The following ANKH variants were observed in gnomAD, a reference collection of about 807,000 sequenced individuals.
The protein encoded by ANKH is mineralization regulator ANKH.
Under a neutral mutation model 49.0 loss-of-function variants are expected in ANKH, and 15 were observed. That is an observed-to-expected ratio of 0.31 (90% CI 0.20 to 0.47). The LOEUF is 0.47. ANKH is among the 20% of genes least tolerant of loss of function. The pLI, the probability that ANKH is intolerant of heterozygous loss-of-function variation, is 1.00. For synonymous variants in ANKH, 273 were observed against 260.0 expected, an observed-to-expected ratio of 1.05 and a Z score of -0.48; for missense variants, 429 against 652.0, an observed-to-expected ratio of 0.66 and a Z score of 3.72.
intron 1 of ANKH, among the ~76,000 whole-genome samples, chr5:14,806,727 A>G (rs1371742061): frequency 6.6e-6 from 1 of 152,230 alleles, no homozygotes; most frequent in Non-Finnish European, 1.5e-5. Context: ...CTTAGGCGTC[A>G]TCAGTTTTAA....
chr5:14,830,707 T>C (rs1381427027), intron 1 of ANKH, among the ~76,000 whole-genome samples: 1 of 152,202 alleles, frequency 6.6e-6, no homozygotes, highest in East Asian at 1.9e-4. Context: ...TGTATGTCTA[T>C]TTTCCCAAAC....
chr5:14,757,513 T>C (rs190436752), intron 3 of ANKH, among the ~76,000 whole-genome samples: 168 of 147,926 alleles, frequency 1.1e-3, no homozygotes, highest in African/African-American at 3.9e-3. Flanking sequence ...TAAGCACTCC[T>C]CAGAATCATG....
At chr5:14,723,262 G>C (rs113341680) in intron 8 of ANKH, among the ~76,000 whole-genome samples, 1 of 151,850 alleles carries the variant, frequency 6.6e-6, no homozygotes, top group African/African-American at 2.4e-5. Flanking sequence ...TAACATGCGC[G>C]CTGCAGTAAA....
chr5:14,718,903 A>C (rs1478063759), intron 8 of ANKH, among the ~76,000 whole-genome samples: 1 of 150,700 alleles, frequency 6.6e-6, no homozygotes, highest in African/African-American at 2.4e-5. Context: ...GCAGTAAGAT[A>C]AGTTTAGGGA....
intron 1 of ANKH, among the ~76,000 whole-genome samples, chr5:14,791,750 C>CA (rs1740173344): frequency 6.6e-6 from 1 of 152,148 alleles, no homozygotes; most frequent in South Asian, 2.1e-4. Context: ...CTCATGAAGT[C>CA]AAAAGTCTAC....
At chr5:14,788,677 G>C (rs1433451110) in intron 1 of ANKH, among the ~76,000 whole-genome samples, 1 of 152,186 alleles carries the variant, frequency 6.6e-6, no homozygotes, top group African/African-American at 2.4e-5. Context: ...TGGAAAAAGT[G>C]GTGGAGAAGG....
At chr5:14,752,532 C>T (rs1738753632) in intron 4 of ANKH, among the ~76,000 whole-genome samples, 1 of 152,178 alleles carries the variant, frequency 6.6e-6, no homozygotes. Context: ...AGAGAATCAG[C>T]CCAGCCTTTG....
rs1444442736 is a variant in ANKH, at chr5:14,709,943, C to G, written c.*1254G>C. ...ATTTTTTTTTTTAGGTTCTTTCAGT[C>G]TAGGAATTCTGACTAAATCAATTTA... On this transcript the variant is annotated 3_prime_UTR_variant, in exon 12 of 12. Coordinates refer to ENST00000284268, the MANE Select transcript of ANKH (RefSeq NM_054027.6). 1 of 152,194 alleles carries G rather than the reference C, an allele frequency of 6.6e-6. No individual in the cohort carries two copies. Among genetic ancestry groups the G allele is most frequent in the Admixed American group, 6.5e-5 (1 of 15,274 alleles). The allele number at this position is 152,194 out of a possible 1,614,324, so 9.4% of individuals were successfully genotyped here.
At chr5:14,795,710 T>G (rs967798441) in intron 1 of ANKH, among the ~76,000 whole-genome samples, 1 of 152,036 alleles carries the variant, frequency 6.6e-6, no homozygotes, top group Non-Finnish European at 1.5e-5. Flanking sequence ...ACGAAACAAA[T>G]TAGTCGGCGT....
intron 8 of ANKH, among the ~76,000 whole-genome samples, chr5:14,730,350 T>C (rs1274576525): frequency 6.6e-6 from 1 of 152,046 alleles, no homozygotes; most frequent in Non-Finnish European, 1.5e-5. Context: ...TTTAAAGAAA[T>C]TAAGGGAAAC....
intron 1 of ANKH, among the ~76,000 whole-genome samples, chr5:14,805,947 C>T (rs751149071): frequency 2.0e-5 from 3 of 152,272 alleles, no homozygotes; most frequent in East Asian, 1.9e-4. Context: ...TGCTTAGCAA[C>T]GAAGGAGGTG....
intron 1 of ANKH, among the ~76,000 whole-genome samples, chr5:14,848,663 T>C (rs141578443): frequency 0.017 from 2,535 of 152,314 alleles, 63 homozygotes; most frequent in African/African-American, 0.056. Context: ...ATTGTTCCTG[T>C]GCAGCTAAGT....
At chr5:14,753,358 G>C (rs1308383916) in intron 4 of ANKH, among the ~76,000 whole-genome samples, 1 of 152,214 alleles carries the variant, frequency 6.6e-6, no homozygotes, top group Non-Finnish European at 1.5e-5. Flanking sequence ...TTTTGCAGAA[G>C]CACCGCGCAA....
intron 1 of ANKH, among the ~76,000 whole-genome samples, chr5:14,840,735 A>T (rs1019185532): frequency 1.3e-5 from 2 of 152,238 alleles, no homozygotes; most frequent in Non-Finnish European, 1.5e-5. Flanking sequence ...ATCAGGTTAA[A>T]TGAGCTCTCC....
intron 2 of ANKH, among the ~76,000 whole-genome samples, chr5:14,763,146 C>T (rs993436053): frequency 1.9e-4 from 29 of 152,268 alleles, no homozygotes; most frequent in African/African-American, 6.0e-4. Flanking sequence ...TAATATGAAC[C>T]GAAATAAGTC....
intron 8 of ANKH, among the ~76,000 whole-genome samples, chr5:14,730,868 G>A (rs1391334732): frequency 6.6e-6 from 1 of 152,236 alleles, no homozygotes; most frequent in East Asian, 1.9e-4. Flanking sequence ...GAGGGGCACT[G>A]TAAATACTGA....
rs1297848417 is a variant in ANKH, at chr5:14,709,948, A to T, written c.*1249T>A. ...TTTTTTTAGGTTCTTTCAGTCTAGG[A>T]ATTCTGACTAAATCAATTTAGTGAA... On this transcript the variant is annotated 3_prime_UTR_variant, in exon 12 of 12. Coordinates refer to ENST00000284268, the MANE Select transcript of ANKH (RefSeq NM_054027.6). The T allele has an allele frequency of 6.6e-6, 1 of 152,284 alleles. No individual in the cohort carries two copies. Among genetic ancestry groups the T allele is most frequent in the African/African-American group, 2.4e-5 (1 of 41,460 alleles). The allele number at this position is 152,284 out of a possible 1,614,324, so 9.4% of individuals were successfully genotyped here. A position where few individuals can be genotyped will look rare whatever the true frequency, so the allele number is the denominator to read the frequency against.
chr5:14,857,273 T>C (rs1219958429), intron 1 of ANKH, among the ~76,000 whole-genome samples: 1 of 152,190 alleles, frequency 6.6e-6, no homozygotes, highest in Non-Finnish European at 1.5e-5. Flanking sequence ...TCCCCACAAG[T>C]ATGCCTAGCC....
chr5:14,823,675 C>T (rs1214034029), intron 1 of ANKH, among the ~76,000 whole-genome samples: 1 of 152,174 alleles, frequency 6.6e-6, no homozygotes, highest in East Asian at 1.9e-4. Context: ...GCCTGTAATC[C>T]CAGCATTTTG....
Sources: allele counts gnomAD v4.1 joint callset (sites outside exome capture counted in the v4.1 genomes callset), GRCh38; gene constraint gnomAD v4.1.1; transcripts MANE v1.5; gene names NCBI Gene and HGNC (gene_info 2026-07-23, HGNC 2026-07-21).